CDH2: variants seen among roughly 807,000 people sequenced by gnomAD.
CDH2 encodes the protein cadherin-2.
In CDH2, 17 loss-of-function variants were observed where a neutral mutation model predicts 92.0. That is an observed-to-expected ratio of 0.18 (90% confidence interval 0.13 to 0.28). The LOEUF (loss-of-function observed/expected upper bound fraction) is 0.28. Among genes scored for constraint, CDH2 ranks in the 10% least tolerant of loss-of-function variants. The probability of loss-of-function intolerance (pLI) is 1.00; values close to 1 mark genes in which losing one functional copy is unlikely to be tolerated. For synonymous variants in CDH2, 419 were observed against 415.9 expected (o/e 1.01, Z -0.09); for missense variants, 862 against 1,133.1 (o/e 0.76, Z 3.44).
intron 1 of CDH2, among the ~76,000 whole-genome samples, chr18:28,173,477 T>A (rs962006768): frequency 5.9e-5 from 9 of 152,186 alleles, no homozygotes; most frequent in African/African-American, 1.7e-4. Context: ...TTAAAATCAC[T>A]GCTGAATCCT....
chr18:27,981,321 G>A (rs2012045802), intron 14 of CDH2, among the ~76,000 whole-genome samples: 1 of 152,098 alleles, frequency 6.6e-6, no homozygotes, highest in African/African-American at 2.4e-5. Context: ...AAAGTGAAAG[G>A]ATAGATTAAT....
In CDH2 at chr18:27,963,457, C is replaced by G; in HGVS notation, c.2414G>C (p.Gly805Ala). ...GGGTCTTTCATCCATTCGTCGGATT[C>G]CCACAGGCTTGATGGCATCAGGCTC... is the stretch of plus-strand genomic sequence containing the variant. Reference protein sequence around the residue: ...TVEPDAIKPVGIRRMDERPIH... With the variant: ...TVEPDAIKPVAIRRMDERPIH... Residue 805 changes from glycine to alanine, a missense_variant, in exon 15 of 16, where the codon GGA becomes GCA. Around this residue, in one of 5 missense-constraint regions of CDH2, gnomAD observed 114 missense variants for 144.8 expected, o/e 0.79. Coordinates refer to ENST00000269141, the MANE Select transcript of CDH2 (RefSeq NM_001792.5). 5 of 1,614,050 alleles carry G rather than the reference C, an allele frequency of 3.1e-6. No homozygotes were observed. The highest frequency in any genetic ancestry group is 4.2e-6 in the Non-Finnish European group (5 of 1,180,000).
At chr18:28,025,096 G>A (rs1030001277) in intron 2 of CDH2, among the ~76,000 whole-genome samples, 7 of 152,126 alleles carry the variant, frequency 4.6e-5, no homozygotes, top group African/African-American at 1.7e-4. Context: ...AATTTTGGTG[G>A]GAAAGTTGGG....
intron 6 of CDH2, among the ~76,000 whole-genome samples, chr18:27,938,915 A>G (rs1029966590): frequency 6.6e-6 from 1 of 152,210 alleles, no homozygotes; most frequent in African/African-American, 2.4e-5. Context: ...AGGAATTCAA[A>G]TGTTCAAATG....
At chr18:28,093,258 A>T (rs1599095172) in intron 2 of CDH2, among the ~76,000 whole-genome samples, 1 of 152,338 alleles carries the variant, frequency 6.6e-6, no homozygotes, top group East Asian at 1.9e-4. Flanking sequence ...AGTTGAAAAT[A>T]TCCCCCAATA....
At chr18:27,998,157 TG>T (rs930371410) in intron 7 of CDH2, among the ~76,000 whole-genome samples, 2 of 152,192 alleles carry the variant, frequency 1.3e-5, no homozygotes, top group Admixed American at 6.5e-5. Flanking sequence ...ATCTGTGAAA[TG>T]GGACTAAAAG....
chr18:28,032,295 T>G (rs2013716944), intron 2 of CDH2, among the ~76,000 whole-genome samples: 1 of 152,048 alleles, frequency 6.6e-6, no homozygotes, highest in African/African-American at 2.4e-5. Flanking sequence ...CTCTCAAAAC[T>G]GGGGACTAGG....
intron 7 of CDH2, among the ~76,000 whole-genome samples, chr18:27,996,886 C>A (rs1344132595): frequency 6.6e-6 from 1 of 152,184 alleles, no homozygotes; most frequent in East Asian, 1.9e-4. Context: ...CTTCTTAAAA[C>A]CCATACTGGG....
chr18:28,069,942 A>G (rs777515443), intron 2 of CDH2, among the ~76,000 whole-genome samples: 9 of 152,056 alleles, frequency 5.9e-5, no homozygotes, highest in Non-Finnish European at 1.2e-4. Flanking sequence ...AACCAAAATA[A>G]CGTGATAAAG....
At chr18:28,143,537 G>A (rs1220219771) in intron 2 of CDH2, among the ~76,000 whole-genome samples, 1 of 151,764 alleles carries the variant, frequency 6.6e-6, no homozygotes, top group Non-Finnish European at 1.5e-5. Context: ...TTAATTATAA[G>A]GAGTTGCTTA....
intron 3 of CDH2, 138 bp from the exon 4 acceptor site, chr18:28,012,130 T>C: frequency 1.5e-6 from 1 of 649,912 alleles, no homozygotes; most frequent in Non-Finnish European, 2.4e-6. Context: ...CCCTTTTCCC[T>C]GGCCCCCTAT....
rs145766044 is a variant in CDH2 at position 28,174,104 on chromosome 18, C to G, written c.60+2859G>C. Among the ~76,000 whole-genome samples the G allele has an allele frequency of 1.4e-3, 209 of 152,228 alleles. 1 individual carries two copies. The highest frequency in any genetic ancestry group is 4.9e-3 in the African/African-American group (204 of 41,530). On this transcript the variant is annotated intron_variant, in intron 1 of 15. Coordinates refer to ENST00000269141, the MANE Select transcript of CDH2 (RefSeq NM_001792.5). ...CTAAGTAAAATAAGGTACACAGACA[C>G]TTCAGTTAACAATTCAAGGCACAGA...
At chr18:28,090,482 C>A (rs28365303) in intron 2 of CDH2, among the ~76,000 whole-genome samples, 35 of 152,120 alleles carry the variant, frequency 2.3e-4, no homozygotes, top group African/African-American at 7.7e-4. Context: ...CACTGGCTAG[C>A]GAGAACACTG....
intron 2 of CDH2, among the ~76,000 whole-genome samples, chr18:28,109,265 G>A (rs766266): frequency 6.6e-6 from 1 of 152,092 alleles, no homozygotes; most frequent in Non-Finnish European, 1.5e-5. Flanking sequence ...CCACAAGTAA[G>A]CTTTTTCTGT....
At chr18:28,171,887 C>T (rs1210363157) in intron 1 of CDH2, among the ~76,000 whole-genome samples, 1 of 152,122 alleles carries the variant, frequency 6.6e-6, no homozygotes, top group African/African-American at 2.4e-5. Flanking sequence ...CTGCCCTGGA[C>T]ACTAGCTCTT....
At chr18:28,086,720 GC>G (rs1442581768) in intron 2 of CDH2, among the ~76,000 whole-genome samples, 1 of 147,692 alleles carries the variant, frequency 6.8e-6, no homozygotes, top group Admixed American at 6.8e-5. Context: ...CTCAGTTTCA[GC>G]CTATGCTCTC....
chr18:27,963,205 C>T, intron 15 of CDH2, 152 bp downstream of exon 15: 1 of 568,122 alleles, frequency 1.8e-6, no homozygotes. Flanking sequence ...GTTAATGAAG[C>T]CACATTTGCT....
At chr18:28,135,702 T>A (rs1266524601) in intron 2 of CDH2, among the ~76,000 whole-genome samples, 1 of 152,192 alleles carries the variant, frequency 6.6e-6, no homozygotes, top group African/African-American at 2.4e-5. Context: ...ACTGAAGGAA[T>A]AATTGCATAT....
chr18:28,136,543 T>A (rs1598499913), intron 2 of CDH2, among the ~76,000 whole-genome samples: 1 of 152,304 alleles, frequency 6.6e-6, no homozygotes, highest in Non-Finnish European at 1.5e-5. Context: ...TAATAATGTA[T>A]ACAGACATGT....
Sources: allele counts gnomAD v4.1 joint callset (sites outside exome capture counted in the v4.1 genomes callset), GRCh38; gene constraint gnomAD v4.1.1; regional missense constraint gnomAD v4.1.1; transcripts MANE v1.5; gene names NCBI Gene and HGNC (gene_info 2026-07-23, HGNC 2026-07-21).